NOL10: variants seen among roughly 807,000 people sequenced by gnomAD.
The protein encoded by NOL10 is nucleolar protein 10.
In NOL10, 58 loss-of-function variants were observed where a neutral mutation model predicts 103.5. The ratio of observed to expected loss-of-function variants is 0.56; its 90% CI spans 0.45 to 0.70. NOL10 has a LOEUF of 0.70. NOL10 is among the 30% of genes least tolerant of loss of function. NOL10 has a pLI of 0.00. For synonymous variants in NOL10, 287 were observed against 282.5 expected (o/e 1.02, Z -0.16); for missense variants, 763 against 807.3 (o/e 0.95, Z 0.67).
intron 12 of NOL10, among the ~76,000 whole-genome samples, chr2:10,648,573 T>C (rs1679243371): frequency 6.6e-6 from 1 of 152,220 alleles, no homozygotes; most frequent in East Asian, 1.9e-4. Context: ...TGCAAGAAAC[T>C]GTACTTTGTA....
chr2:10,644,479 A>C (rs1318407994), intron 12 of NOL10, 107 bp from the exon 13 acceptor site: 3 of 688,260 alleles, frequency 4.4e-6, no homozygotes, highest in Non-Finnish European at 7.1e-6. Context: ...TAGTCAGTGA[A>C]CCAAAGTATA....
intron 7 of NOL10, among the ~76,000 whole-genome samples, chr2:10,667,826 G>GT (rs956985743): frequency 2.8e-3 from 421 of 149,262 alleles, no homozygotes; most frequent in African/African-American, 9.1e-3. Flanking sequence ...ACTACTACAA[G>GT]TTTTTTTTTT....
intron 7 of NOL10, 63 bp downstream of exon 7, chr2:10,668,595 A>T: frequency 1.2e-6 from 1 of 810,860 alleles, no homozygotes; most frequent in Non-Finnish European, 2.0e-6. Context: ...TTGTTAACAA[A>T]CTGAGCATCT....
At chr2:10,667,155 A>G in intron 8 of NOL10, 63 bp downstream of exon 8, 2 of 1,237,022 alleles carry the variant, frequency 1.6e-6, no homozygotes, top group African/African-American at 3.0e-5. Flanking sequence ...CTCAGTCTTT[A>G]AATAAAAATT....
At chr2:10,680,075 G>A (rs996968314) in intron 3 of NOL10, among the ~76,000 whole-genome samples, 46 of 150,980 alleles carry the variant, frequency 3.0e-4, no homozygotes, top group African/African-American at 1.0e-3. Flanking sequence ...AGGAGTTCGA[G>A]ACCAGCCTGG....
At position 10,597,750 on chromosome 2, in the gene NOL10, T is replaced by C. The variant is rs79528234; in HGVS notation, c.1422+3103A>G. ...CAAATAGTACTCTTTGGAAGAATTC[T>C]GTTATCACGTGATATGGCTACAAAG... is the stretch of plus-strand genomic sequence containing the variant. On this transcript the variant is annotated intron_variant, in intron 17 of 20. Transcript: ENST00000381685. Among the ~76,000 whole-genome samples the C allele has an allele frequency of 6.0e-4, 91 of 152,364 alleles. 2 individuals are homozygous for C. In the East Asian group the frequency reaches 0.014, roughly 23 times the overall value.
intron 3 of NOL10, among the ~76,000 whole-genome samples, chr2:10,680,440 T>C (rs1380086450): frequency 6.6e-6 from 1 of 151,862 alleles, no homozygotes; most frequent in Non-Finnish European, 1.5e-5. Flanking sequence ...TGCATGGGAA[T>C]AGAGGACGAT....
chr2:10,644,468 TTAGTCAGTGAACCAAAGTA>T (rs1156740392), intron 12 of NOL10, 96 bp from the exon 13 acceptor site: 1 of 810,200 alleles, frequency 1.2e-6, no homozygotes, highest in Non-Finnish European at 1.9e-6. Context: ...GGAACTTCTG[TTAGTCAGTGAACCAAAGTA>T]TAGTATTTCC....
intron 6 of NOL10, among the ~76,000 whole-genome samples, chr2:10,669,014 T>C (rs1196617129): frequency 1.3e-5 from 2 of 152,096 alleles, no homozygotes; most frequent in Non-Finnish European, 2.9e-5. Context: ...TCTACATATG[T>C]ATATAAGAAA....
chr2:10,662,143 T>C (rs1324464325), intron 9 of NOL10, among the ~76,000 whole-genome samples: 1 of 152,260 alleles, frequency 6.6e-6, no homozygotes, highest in Non-Finnish European at 1.5e-5. Flanking sequence ...GAATATTTTT[T>C]TCATCTATAA....
intron 13 of NOL10, among the ~76,000 whole-genome samples, chr2:10,616,035 C>T (rs1474303653): frequency 6.6e-6 from 1 of 152,058 alleles, no homozygotes; most frequent in East Asian, 1.9e-4. Flanking sequence ...CAAAGTCAAG[C>T]CTATGCTGCT....
chr2:10,635,333 G>A (rs1295046631), intron 13 of NOL10, among the ~76,000 whole-genome samples: 2 of 152,060 alleles, frequency 1.3e-5, no homozygotes, highest in East Asian at 1.9e-4. Context: ...GTTCTCTATC[G>A]GCCAACATTC....
intron 13 of NOL10, among the ~76,000 whole-genome samples, chr2:10,638,061 C>T (rs886164453): frequency 3.9e-5 from 6 of 152,134 alleles, no homozygotes; most frequent in South Asian, 2.1e-4. Flanking sequence ...GTGGGAGGAT[C>T]GCTTGAGGCC....
At chr2:10,579,852 A>G (rs912335201) in intron 19 of NOL10, among the ~76,000 whole-genome samples, 1 of 152,214 alleles carries the variant, frequency 6.6e-6, no homozygotes, top group African/African-American at 2.4e-5. Flanking sequence ...TACAGAAAAC[A>G]CTAATTTAGG....
At chr2:10,618,590 TA>T (rs1676964614) in intron 13 of NOL10, among the ~76,000 whole-genome samples, 3 of 152,224 alleles carry the variant, frequency 2.0e-5, no homozygotes, top group African/African-American at 7.2e-5. Flanking sequence ...TTTGTATTTT[TA>T]TTTTTTTGTA....
chr2:10,644,358 C>T lies in NOL10; in HGVS notation c.988G>A (p.Ala330Thr). The T allele has an allele frequency of 1.3e-6, 2 of 1,538,314 alleles. No individual in the cohort carries two copies. The highest frequency in any genetic ancestry group is 1.7e-4 in the Middle Eastern group (1 of 5,838). Residue 330 changes from alanine (A) to threonine (T), a missense_variant, in exon 13 of 21, where the codon GCC becomes ACC. Physicochemically the swap from Ala to Thr is moderately conservative, Grantham distance 58. Transcript: ENST00000381685. ...LYPNSGMLLT[A>T]NETPKMGIYY... ...ATGCCCATCTTGGGGGTTTCATTGG[C>T]CGTCAGAAGCATGCCTAAAAATAAA...
At chr2:10,646,674 T>C (rs1679090318) in intron 12 of NOL10, among the ~76,000 whole-genome samples, 1 of 152,196 alleles carries the variant, frequency 6.6e-6, no homozygotes, top group African/African-American at 2.4e-5. Flanking sequence ...GAGAAGAGCA[T>C]GAGCATCGCG....
chr2:10,591,020 G>A (rs932078139), intron 17 of NOL10: 1 of 152,204 alleles, frequency 6.6e-6, no homozygotes, highest in Non-Finnish European at 1.5e-5. Context: ...AGGCAGTTGA[G>A]TTCTGAATAT....
chr2:10,667,049 ATGT>A (rs1180084308), intron 8 of NOL10, among the ~76,000 whole-genome samples, 166 bp downstream of exon 8: 1 of 152,294 alleles, frequency 6.6e-6, no homozygotes, highest in African/African-American at 2.4e-5. Flanking sequence ...TAAAAGAAAA[ATGT>A]TGTGTACATT....
Sources: allele counts gnomAD v4.1 joint callset (sites outside exome capture counted in the v4.1 genomes callset), GRCh38; gene constraint gnomAD v4.1.1; transcripts MANE v1.5; gene names NCBI Gene and HGNC (gene_info 2026-07-23, HGNC 2026-07-21).